MACROD2: variants seen among roughly 807,000 people sequenced by gnomAD.
The protein encoded by MACROD2 is mono-ADP ribosylhydrolase 2.
In MACROD2, 36 loss-of-function variants were observed where a neutral mutation model predicts 70.4. That is an observed-to-expected ratio of 0.51 (90% CI 0.39 to 0.68). The LOEUF is 0.68. Among genes scored for constraint, MACROD2 ranks in the 30% least tolerant of loss-of-function variants. The pLI is 0.00. For missense variants in MACROD2, 496 were observed against 538.4 expected (o/e 0.92, Z 0.78); for synonymous variants, 172 against 178.8 (o/e 0.96, Z 0.30).
chr20:15,589,580 T>C (rs979829741), intron 8 of MACROD2, among the ~76,000 whole-genome samples: 1 of 152,218 alleles, frequency 6.6e-6, no homozygotes, highest in African/African-American at 2.4e-5. Flanking sequence ...CTTGGTGCTG[T>C]ACATTCTATA....
intron 3 of MACROD2, among the ~76,000 whole-genome samples, chr20:14,234,785 G>A (rs1434645423): frequency 6.6e-6 from 1 of 152,054 alleles, no homozygotes; most frequent in Non-Finnish European, 1.5e-5. Flanking sequence ...TTGTCAAAAA[G>A]ATCTAGCACT....
chr20:15,420,594 C>T lies in MACROD2; in HGVS notation c.541-10811C>T, dbSNP rs183191613. On this transcript the variant is annotated intron_variant, in intron 6 of 17. Coordinates refer to ENST00000684519, the MANE Select transcript of MACROD2 (RefSeq NM_001351661.2). The stretch of plus-strand genomic sequence containing the variant: ...CATCCTTTTACTATATTCACCCATG[C>T]GATGGGGAAAAAAATTGAATTATTG... Among the ~76,000 whole-genome samples the T allele has an allele frequency of 5.6e-3, 686 of 121,876 alleles. 17 individuals carry two copies. Among genetic ancestry groups the T allele is most frequent in the Non-Finnish European group, 9.2e-4 (51 of 55,362 alleles). 80.0% of individuals were successfully genotyped at this position (121,876 alleles called of 152,430 possible).
rs145898803 is a variant in MACROD2, at chr20:15,384,370, C to T, written c.541-47035C>T. Among the ~76,000 whole-genome samples the T allele has an allele frequency of 3.3e-5, 5 of 152,278 alleles. No individual in the cohort carries two copies. In the South Asian group the frequency reaches 6.2e-4, roughly 19 times the overall value. Reference sequence around the variant, plus strand: ...CCACTCCCCAGGTTCAAGGGATCCTCCCACCTCAGCCTCCTGAGTAGTTGG... The same window carrying T: ...CCACTCCCCAGGTTCAAGGGATCCTTCCACCTCAGCCTCCTGAGTAGTTGG... On this transcript the variant is annotated intron_variant, in intron 6 of 17. Coordinates refer to ENST00000684519, the MANE Select transcript of MACROD2 (RefSeq NM_001351661.2).
intron 4 of MACROD2, among the ~76,000 whole-genome samples, chr20:14,643,096 A>G (rs1044580662): frequency 2.6e-4 from 40 of 152,220 alleles, no homozygotes; most frequent in Admixed American, 2.6e-3. Flanking sequence ...CAAAATATCC[A>G]AATAAAACTT....
intron 2 of MACROD2, among the ~76,000 whole-genome samples, chr20:14,061,143 G>T (rs190091109): frequency 2.6e-5 from 4 of 152,000 alleles, no homozygotes; most frequent in African/African-American, 9.7e-5. Flanking sequence ...AAATATGATG[G>T]TTTCTCCTTT....
At chr20:15,453,871 C>T (rs1045581923) in intron 7 of MACROD2, among the ~76,000 whole-genome samples, 3 of 152,062 alleles carry the variant, frequency 2.0e-5, no homozygotes, top group Non-Finnish European at 2.9e-5. Context: ...TATCTCATGG[C>T]GAGAGAAGCT....
chr20:14,125,981 A>G (rs1421882531), intron 3 of MACROD2, among the ~76,000 whole-genome samples: 1 of 152,174 alleles, frequency 6.6e-6, no homozygotes, highest in Non-Finnish European at 1.5e-5. Context: ...GCTTCATTTT[A>G]GTTGGTGACT....
intron 5 of MACROD2, among the ~76,000 whole-genome samples, chr20:14,704,344 C>T (rs1039892718): frequency 1.3e-5 from 2 of 151,998 alleles, no homozygotes; most frequent in African/African-American, 2.4e-5. Flanking sequence ...CCTTTTCCTA[C>T]CGTGTAAATA....
chr20:14,808,716 C>T (rs927167000), intron 5 of MACROD2, among the ~76,000 whole-genome samples: 20 of 149,792 alleles, frequency 1.3e-4, no homozygotes, highest in Non-Finnish European at 2.2e-4. Context: ...CACACATAGG[C>T]TCAAAATAAA....
chr20:14,430,466 A>G lies in MACROD2; in HGVS notation c.272-63013A>G, dbSNP rs542927802. Among the ~76,000 whole-genome samples, 9 of 152,306 alleles carry G rather than the reference A, an allele frequency of 5.9e-5. No homozygotes were observed. The East Asian group carries it at 1.3e-3, about 23-fold the overall frequency. ...TGCTACATTTAGCAATCGGTTTGAT[A>G]TGGATGCCACAGGAGAGAAAGGCAT... On this transcript the variant is annotated intron_variant, in intron 3 of 17. Coordinates refer to ENST00000684519, the MANE Select transcript of MACROD2 (RefSeq NM_001351661.2).
chr20:15,401,615 G>A (rs185981673), intron 6 of MACROD2, among the ~76,000 whole-genome samples: 1 of 152,238 alleles, frequency 6.6e-6, no homozygotes, highest in African/African-American at 2.4e-5. Flanking sequence ...GATGTTAATG[G>A]TATCTATGTC....
chr20:15,790,028 A>T (rs1253554846), intron 8 of MACROD2, among the ~76,000 whole-genome samples: 2 of 151,852 alleles, frequency 1.3e-5, no homozygotes, highest in Non-Finnish European at 2.9e-5. Context: ...TAAAGAACCA[A>T]TTTACTAATT....
intron 8 of MACROD2, among the ~76,000 whole-genome samples, chr20:15,612,143 G>T (rs190505260): frequency 6.6e-6 from 1 of 151,636 alleles, no homozygotes; most frequent in Non-Finnish European, 1.5e-5. Flanking sequence ...AATAAAACCC[G>T]TGGCTTTAAT....
At chr20:15,855,193 A>T (rs2064343193) in intron 8 of MACROD2, among the ~76,000 whole-genome samples, 1 of 152,176 alleles carries the variant, frequency 6.6e-6, no homozygotes. Context: ...TGAAAAATGG[A>T]GGTTGGCTGC....
At chr20:15,542,078 G>A (rs934541387) in intron 8 of MACROD2, among the ~76,000 whole-genome samples, 1 of 152,142 alleles carries the variant, frequency 6.6e-6, no homozygotes, top group Non-Finnish European at 1.5e-5. Flanking sequence ...TCTTCTCTGT[G>A]CCTCTAAATG....
intron 8 of MACROD2, among the ~76,000 whole-genome samples, chr20:15,532,892 G>T (rs6110658): frequency 6.6e-6 from 1 of 152,172 alleles, no homozygotes; most frequent in East Asian, 1.9e-4. Context: ...TGATATCTGA[G>T]GTCATTTCCA....
At chr20:15,114,831 A>G (rs956435160) in intron 5 of MACROD2, among the ~76,000 whole-genome samples, 3 of 152,104 alleles carry the variant, frequency 2.0e-5, no homozygotes, top group African/African-American at 7.2e-5. Flanking sequence ...TGAGACCATC[A>G]ATCAAGATGC....
chr20:15,991,364 T>C (rs1439794446), intron 15 of MACROD2, among the ~76,000 whole-genome samples: 1 of 152,226 alleles, frequency 6.6e-6, no homozygotes, highest in Non-Finnish European at 1.5e-5. Flanking sequence ...CACCCCTGTA[T>C]AGCCCTTGGT....
chr20:15,366,727 T>A (rs1250584162), intron 6 of MACROD2, among the ~76,000 whole-genome samples: 3 of 151,670 alleles, frequency 2.0e-5, no homozygotes, highest in Admixed American at 6.6e-5. Flanking sequence ...TTTTTTTTTT[T>A]ATTTCTTAGT....
Sources: gnomAD v4.1 joint callset for allele counts (sites outside exome capture counted in the v4.1 genomes callset) on GRCh38, gnomAD v4.1.1 for gene constraint, MANE v1.5 for transcripts, NCBI Gene and HGNC (gene_info 2026-07-23, HGNC 2026-07-21) for gene names.